Variants in NAV2 observed in about 807,000 individuals in gnomAD.
The protein encoded by NAV2 is neuron navigator 2, also known as helicase, APC down-regulated 1.
In NAV2, 54 loss-of-function variants were observed where a neutral mutation model predicts 223.2. The ratio of observed to expected loss-of-function variants is 0.24; its 90% CI spans 0.19 to 0.30. The LOEUF is 0.30. Ranked by LOEUF, NAV2 falls within the 10% of genes least tolerant of loss-of-function variation. The pLI, the probability that NAV2 is intolerant of heterozygous loss-of-function variation, is 1.00. For synonymous variants in NAV2, 1,279 were observed against 1,239.3 expected (o/e 1.03, Z -0.67); for missense variants, 2,806 against 3,147.5 (o/e 0.89, Z 2.60).
intron 12 of NAV2, 125 bp downstream of exon 12, chr11:20,036,222 C>T: frequency 9.3e-7 from 1 of 1,074,704 alleles, no homozygotes; most frequent in Non-Finnish European, 1.3e-6. Flanking sequence ...GAGGCCCAGC[C>T]TCCTGCCGCC....
chr11:19,648,726 G>T (rs1050715322), intron 1 of NAV2, among the ~76,000 whole-genome samples: 1 of 152,174 alleles, frequency 6.6e-6, no homozygotes, highest in Non-Finnish European at 1.5e-5. Flanking sequence ...GGATAACAAG[G>T]TAATGTCAAA....
intron 1 of NAV2, among the ~76,000 whole-genome samples, chr11:19,382,125 A>G (rs1412963131): frequency 6.6e-6 from 1 of 152,194 alleles, no homozygotes; most frequent in East Asian, 1.9e-4. Flanking sequence ...TGAATATTTC[A>G]GAAAGGCAGC....
chr11:20,015,871 G>A, intron 11 of NAV2, among the ~76,000 whole-genome samples: 1 of 152,156 alleles, frequency 6.6e-6, no homozygotes, highest in East Asian at 1.9e-4. Flanking sequence ...AATGGCCCTG[G>A]CCCACTAAGT....
chr11:20,091,966 G>C (rs1268817840), intron 27 of NAV2, among the ~76,000 whole-genome samples: 6 of 152,132 alleles, frequency 3.9e-5, no homozygotes, highest in African/African-American at 1.4e-4. Context: ...AGCAGACTCT[G>C]GGAAGCATTT....
intron 4 of NAV2, among the ~76,000 whole-genome samples, chr11:19,879,088 G>A (rs558628914): frequency 3.9e-5 from 6 of 152,260 alleles, no homozygotes; most frequent in South Asian, 4.1e-4. Context: ...TGCATCTAGC[G>A]TTAACTGCAT....
intron 14 of NAV2, among the ~76,000 whole-genome samples, chr11:20,047,225 CT>C (rs1159274409): frequency 2.0e-5 from 3 of 152,234 alleles, no homozygotes; most frequent in African/African-American, 7.2e-5. Flanking sequence ...AGGCATTTTA[CT>C]AGACCCTTAG....
At chr11:19,518,534 G>A (rs1414127549) in intron 1 of NAV2, 1 of 152,220 alleles carries the variant, frequency 6.6e-6, no homozygotes, top group Non-Finnish European at 1.5e-5. Context: ...GCTTGGCTGT[G>A]TCAGTAGACA....
intron 1 of NAV2, among the ~76,000 whole-genome samples, chr11:19,722,267 A>G (rs561798916): frequency 4.6e-5 from 7 of 152,306 alleles, no homozygotes; most frequent in Middle Eastern, 3.4e-3. Flanking sequence ...ATAAAAATCT[A>G]AGGTGTTTCC....
chr11:19,814,730 A>T (rs1003425099), intron 1 of NAV2, among the ~76,000 whole-genome samples: 2 of 152,136 alleles, frequency 1.3e-5, no homozygotes, highest in African/African-American at 4.8e-5. Context: ...CTTCTGGAGC[A>T]GCTGGGACTC....
chr11:19,886,987 C>T (rs192139343), intron 5 of NAV2, among the ~76,000 whole-genome samples: 6 of 152,132 alleles, frequency 3.9e-5, no homozygotes, highest in Non-Finnish European at 8.8e-5. Context: ...CTCTACACCC[C>T]CCTTTCCCCA....
Position 19,649,113 on chromosome 11 carries a change from T to C in NAV2, c.76-183371T>C, listed in dbSNP as rs188832867. On this transcript the variant is annotated intron_variant, in intron 1 of 37. Coordinates refer to the NAV2 transcript ENST00000360655. ...AGTTTTGGGGCATTTAGGCTAATCGTAGTGTTTCTATAGCATAAACTGTGC... is the reference window on the plus strand; with the variant it reads ...AGTTTTGGGGCATTTAGGCTAATCGCAGTGTTTCTATAGCATAAACTGTGC... 2.7e-4 allele frequency among the ~76,000 whole-genome samples: 41 copies of C among 152,356 alleles called. No individual in the cohort carries two copies. In the East Asian group the frequency reaches 7.3e-3, roughly 27 times the overall value.
chr11:19,582,216 GT>G (rs1395467580), intron 1 of NAV2, among the ~76,000 whole-genome samples: 4 of 152,078 alleles, frequency 2.6e-5, no homozygotes, highest in Non-Finnish European at 5.9e-5. Context: ...GGGGTTGTTT[GT>G]TTTTTTCTTG....
At chr11:20,039,487 A>G (rs1436336442) in intron 12 of NAV2, among the ~76,000 whole-genome samples, 2 of 151,900 alleles carry the variant, frequency 1.3e-5, no homozygotes, top group Non-Finnish European at 2.9e-5. Context: ...CACCTGGGTT[A>G]ACTGTTCCTC....
intron 1 of NAV2, among the ~76,000 whole-genome samples, chr11:19,381,525 CTCTT>C (rs1848836167): frequency 6.6e-6 from 1 of 152,174 alleles, no homozygotes; most frequent in South Asian, 2.1e-4. Flanking sequence ...GAGACCCTGA[CTCTT>C]TCCAGAGATG....
At chr11:19,360,324 A>T (rs570166597) in intron 1 of NAV2, among the ~76,000 whole-genome samples, 2 of 152,208 alleles carry the variant, frequency 1.3e-5, no homozygotes, top group African/African-American at 2.4e-5. Flanking sequence ...TTTAGCAAGA[A>T]GCCCCTATCC....
chr11:19,859,138 T>TC (rs1491236511), intron 3 of NAV2, among the ~76,000 whole-genome samples: 2,235 of 66,094 alleles, frequency 0.034, 59 homozygotes, highest in African/African-American at 0.13. Flanking sequence ...TCATATTCTC[T>TC]TTTTTTTTTT....
intron 20 of NAV2, among the ~76,000 whole-genome samples, chr11:20,064,229 T>C (rs1564966024): frequency 1.3e-5 from 2 of 152,200 alleles, no homozygotes; most frequent in East Asian, 3.8e-4. Flanking sequence ...CCAAGGCTGG[T>C]ACTTTCAAAC....
chr11:19,970,914 T>A (rs2049183691), intron 10 of NAV2, among the ~76,000 whole-genome samples: 1 of 152,236 alleles, frequency 6.6e-6, no homozygotes, highest in African/African-American at 2.4e-5. Flanking sequence ...AAACTGCCTA[T>A]CATGAATGTT....
chr11:19,760,801 T>C (rs1245195551), intron 1 of NAV2, among the ~76,000 whole-genome samples: 1 of 152,022 alleles, frequency 6.6e-6, no homozygotes, highest in Non-Finnish European at 1.5e-5. Flanking sequence ...CTGAGCTCTA[T>C]AGGGAAAAGT....
Sources: allele counts gnomAD v4.1 joint callset (sites outside exome capture counted in the v4.1 genomes callset), GRCh38; gene constraint gnomAD v4.1.1; transcripts MANE v1.5; gene names NCBI Gene and HGNC (gene_info 2026-07-23, HGNC 2026-07-21).